Variants in MRPS35 observed in about 807,000 individuals in gnomAD.
MRPS35 encodes mitochondrial ribosomal protein S35, also known as small ribosomal subunit protein mS35.
A neutral mutation model predicts 32.7 loss-of-function variants in MRPS35; 29 were observed. The observed-to-expected ratio is 0.89, with a 90% CI of 0.66 to 1.21. MRPS35 has a LOEUF of 1.21. MRPS35 is among the 50% of genes most tolerant of loss of function. MRPS35 has a pLI of 0.00. For synonymous variants in MRPS35, 148 were observed against 139.3 expected, an observed-to-expected ratio of 1.06 and a Z score of -0.44; for missense variants, 373 against 383.8, an observed-to-expected ratio of 0.97 and a Z score of 0.23.
intron 7 of MRPS35, among the ~76,000 whole-genome samples, chr12:27,751,009 G>A (rs924190742): frequency 3.4e-5 from 5 of 147,708 alleles, no homozygotes; most frequent in African/African-American, 7.4e-5. Flanking sequence ...GGGCTGAGGC[G>A]GGAGAATTGC....
At chr12:27,712,465 G>A (rs1031667203) in intron 1 of MRPS35, among the ~76,000 whole-genome samples, 5 of 152,316 alleles carry the variant, frequency 3.3e-5, no homozygotes, top group Admixed American at 6.5e-5. Flanking sequence ...AAGAGTGGAA[G>A]CCAAAGATCT....
chr12:27,743,596 G>C (rs1256487652), intron 7 of MRPS35, among the ~76,000 whole-genome samples: 1 of 152,202 alleles, frequency 6.6e-6, no homozygotes, highest in African/African-American at 2.4e-5. Flanking sequence ...TGCTGGATAT[G>C]AAAGTTAATA....
chr12:27,719,740 GAGA>G (rs1326658533), intron 3 of MRPS35, 65 bp from the exon 4 acceptor site: 41 of 958,838 alleles, frequency 4.3e-5, no homozygotes, highest in Middle Eastern at 2.3e-4. Flanking sequence ...TTAGTTTTAT[GAGA>G]AGATTATCTT....
chr12:27,750,995 TG>T (rs2061999674), intron 7 of MRPS35, among the ~76,000 whole-genome samples: 1 of 144,404 alleles, frequency 6.9e-6, no homozygotes, highest in East Asian at 2.1e-4. Context: ...CCCAGCTACT[TG>T]GGGGGCTGAG....
chr12:27,742,649 G>A (rs2140777995), intron 7 of MRPS35, among the ~76,000 whole-genome samples: 1 of 152,334 alleles, frequency 6.6e-6, no homozygotes, highest in East Asian at 1.9e-4. Flanking sequence ...ACAGGGCCAA[G>A]AAAGGAGGTG....
At chr12:27,737,745 T>C in intron 7 of MRPS35, 137 bp downstream of exon 7, 1 of 654,516 alleles carries the variant, frequency 1.5e-6, no homozygotes. Flanking sequence ...TGAAATGTCA[T>C]AGGTAGCTTC....
chr12:27,710,980 G>C, intron 1 of MRPS35, 25 bp downstream of exon 1: 1 of 1,597,438 alleles, frequency 6.3e-7, no homozygotes, highest in African/African-American at 1.3e-5. Flanking sequence ...CGTCTTCTCT[G>C]GGCTTTGGGG....
At chr12:27,746,148 T>C (rs1274110089) in intron 7 of MRPS35, among the ~76,000 whole-genome samples, 2 of 152,214 alleles carry the variant, frequency 1.3e-5, no homozygotes, top group Non-Finnish European at 2.9e-5. Flanking sequence ...TTTTAAAAGC[T>C]CCACAGGTGA....
intron 7 of MRPS35, among the ~76,000 whole-genome samples, chr12:27,750,347 A>G (rs1000022731): frequency 6.6e-6 from 1 of 152,256 alleles, no homozygotes; most frequent in African/African-American, 2.4e-5. Flanking sequence ...CTTAAAATCT[A>G]TCCCAGTAAA....
At chr12:27,714,300 T>C (rs961387697) in intron 1 of MRPS35, among the ~76,000 whole-genome samples, 4 of 152,082 alleles carry the variant, frequency 2.6e-5, no homozygotes, top group African/African-American at 9.7e-5. Flanking sequence ...GAATTTTCCT[T>C]ACTGGGGCTA....
chr12:27,716,479 A>G, intron 3 of MRPS35, 21 bp downstream of exon 3: 2 of 1,613,428 alleles, frequency 1.2e-6, no homozygotes, highest in Non-Finnish European at 8.5e-7. Flanking sequence ...TTGCTGATTC[A>G]TTGGCTCAGA....
intron 3 of MRPS35, among the ~76,000 whole-genome samples, chr12:27,718,428 T>G (rs990932227): frequency 1.3e-5 from 2 of 152,080 alleles, no homozygotes; most frequent in Non-Finnish European, 2.9e-5. Context: ...CAAAAAACAT[T>G]ATTTTCTGAT....
At chr12:27,717,688 A>T (rs1450490121) in intron 3 of MRPS35, among the ~76,000 whole-genome samples, 1 of 152,248 alleles carries the variant, frequency 6.6e-6, no homozygotes, top group African/African-American at 2.4e-5. Context: ...TTTTCTTTGA[A>T]TGAAAGAAGA....
chr12:27,718,100 A>G, intron 3 of MRPS35, among the ~76,000 whole-genome samples: 1 of 152,184 alleles, frequency 6.6e-6, no homozygotes, highest in East Asian at 1.9e-4. Flanking sequence ...CCCAAATCCC[A>G]GTTTTCAGTG....
At chr12:27,722,845 A>G (rs983814644) in intron 4 of MRPS35, among the ~76,000 whole-genome samples, 8 of 152,236 alleles carry the variant, frequency 5.3e-5, no homozygotes, top group Admixed American at 6.5e-5. Flanking sequence ...TTTGTAATCC[A>G]GAGTGACATT....
At chr12:27,728,403 T>C (rs1391831865) in intron 5 of MRPS35, among the ~76,000 whole-genome samples, 1 of 152,070 alleles carries the variant, frequency 6.6e-6, no homozygotes, top group East Asian at 1.9e-4. Context: ...TTCATACACA[T>C]ACATACACAT....
chr12:27,712,001 A>G (rs1447995795), intron 1 of MRPS35, among the ~76,000 whole-genome samples: 1 of 151,732 alleles, frequency 6.6e-6, no homozygotes. Flanking sequence ...AAACAACTAA[A>G]TAAGATGTCA....
intron 7 of MRPS35, among the ~76,000 whole-genome samples, chr12:27,744,407 A>T (rs1591802282): frequency 1.3e-5 from 2 of 152,284 alleles, no homozygotes; most frequent in South Asian, 2.1e-4. Flanking sequence ...CAGCCTGGCC[A>T]ACACAGCAAA....
rs778560501 is a variant in MRPS35, at chr12:27,755,948, C to G, written c.*498C>G. The G allele has an allele frequency of 6.6e-6, 1 of 152,288 alleles. No individual in the cohort carries two copies. Among genetic ancestry groups the G allele is most frequent in the East Asian group, 1.9e-4 (1 of 5,192 alleles). 9.4% of individuals were successfully genotyped at this position (152,288 alleles called of 1,614,324 possible). A position where few individuals can be genotyped will look rare whatever the true frequency, so the allele number is the denominator to read the frequency against. Reference sequence around the variant, plus strand: ...CAGGTCCTCAGGAGTATTCTCTAACCTGATATTTTCTAAAAAGATATGTTG... The same window carrying G: ...CAGGTCCTCAGGAGTATTCTCTAACGTGATATTTTCTAAAAAGATATGTTG... On this transcript the variant is annotated 3_prime_UTR_variant, in exon 8 of 8. Transcript: ENST00000081029.
Sources: gnomAD v4.1 joint callset for allele counts (sites outside exome capture counted in the v4.1 genomes callset) on GRCh38, gnomAD v4.1.1 for gene constraint, MANE v1.5 for transcripts, NCBI Gene and HGNC (gene_info 2026-07-23, HGNC 2026-07-21) for gene names.